The following KIF13A variants were observed in gnomAD, a reference collection of about 807,000 sequenced individuals.
KIF13A encodes kinesin-like protein KIF13A.
KIF13A carries 79 observed loss-of-function variants against 212.2 expected under a neutral mutation model. That is an observed-to-expected ratio of 0.37 (90% CI 0.31 to 0.45). The LOEUF (loss-of-function observed/expected upper bound fraction) is 0.45, where lower values mean the gene tolerates loss of function less well. KIF13A is among the 20% of genes least tolerant of loss of function. The pLI, the probability that KIF13A is intolerant of heterozygous loss-of-function variation, is 1.00. For synonymous variants in KIF13A, 789 were observed against 808.6 expected, an observed-to-expected ratio of 0.98 and a Z score of 0.41; for missense variants, 1,901 against 2,209.0, an observed-to-expected ratio of 0.86 and a Z score of 2.79.
At chr6:17,770,838 T>C in intron 38 of KIF13A, 1 of 736,234 alleles carries the variant, frequency 1.4e-6, no homozygotes. Flanking sequence ...TAAAAAGATC[T>C]CTTTGTTACA....
rs544451231 is a variant in KIF13A, at chr6:17,812,792, C to T, written c.2001-3862G>A. Among the ~76,000 whole-genome samples the T allele has an allele frequency of 3.9e-5, 6 of 152,328 alleles. No individual in the cohort carries two copies. The South Asian group carries it at 1.2e-3, about 32-fold the overall frequency. ...ATGATTGAATTAATTTACACTCTCA[C>T]CAACAGTGTATAAGGGTTCCCTTTT... On this transcript the variant is annotated intron_variant, in intron 17 of 38. Transcript: ENST00000259711.
In KIF13A at chr6:17,785,571, C is replaced by T; in HGVS notation, c.3432G>A (p.Arg1144=). 1 of 1,603,840 alleles carries T rather than the reference C, an allele frequency of 6.2e-7. No homozygotes were observed. Among genetic ancestry groups the T allele is most frequent in the Non-Finnish European group, 8.5e-7 (1 of 1,175,636 alleles). The stretch of plus-strand genomic sequence containing the variant: ...CTGGGGCTGGCACCAGCACAGCATT[C>T]CTTTCCTCAGTCAGCCCTACCCACT... The part of the protein sequence containing the change: ...VEQWVGLTEE[R]NAVLVPAPGS... Residue 1144 remains arginine (R), a synonymous_variant, in exon 28 of 39, where the codon AGG becomes AGA. Coordinates refer to ENST00000259711, the MANE Select transcript of KIF13A (RefSeq NM_022113.6). The surrounding 1 kb of genome is among the most constrained non-coding windows in gnomAD (Gnocchi z 5.8).
At position 17,850,421 on chromosome 6, in the gene KIF13A, G is replaced by C; in HGVS notation, c.619C>G (p.Arg207Gly). The C allele has an allele frequency of 6.2e-7, 1 of 1,613,688 alleles. No homozygotes were observed. The highest frequency in any genetic ancestry group is 8.5e-7 in the Non-Finnish European group (1 of 1,179,770). Residue 207 changes from arginine to glycine, a missense_variant, in exon 8 of 39, where the codon CGA becomes GGA. By Grantham distance (125) the Arg-to-Gly change is moderately radical. This residue lies in a region of KIF13A where 506 missense variants were observed against 637.4 expected (regional missense o/e 0.79). Coordinates refer to ENST00000259711, the MANE Select transcript of KIF13A (RefSeq NM_022113.6). This position sits in a 1 kb window ranked among gnomAD's most constrained non-coding sequence, Gnocchi z 6.2. ...ESLMSEGNKS[R>G]TVAATNMNEE... ...TTCATGTTGGTAGCAGCTACCGTTC[G>C]AGACTTATTTCCCTCAGACATCAAT...
chr6:17,831,892 G>C, intron 12 of KIF13A, among the ~76,000 whole-genome samples: 1 of 150,398 alleles, frequency 6.6e-6, no homozygotes, highest in Non-Finnish European at 1.5e-5. Flanking sequence ...TCTCGGGCTG[G>C]GAATACAGCA....
rs1412912348 is a variant in KIF13A, at chr6:17,816,378, T to C, written c.2000+642A>G. 6.6e-6 allele frequency among the ~76,000 whole-genome samples: 1 copy of C among 151,392 alleles called. No individual in the cohort carries two copies. The highest frequency in any genetic ancestry group is 2.5e-5 in the African/African-American group (1 of 40,748). ...GCTACCATGCCTGGCTAATTTTTTA[T>C]TTTTTGTAGAGACAAGGTCTCGTTA... is the stretch of plus-strand genomic sequence containing the variant. On this transcript the variant is annotated intron_variant, in intron 17 of 38. Coordinates refer to ENST00000259711, the MANE Select transcript of KIF13A (RefSeq NM_022113.6). The surrounding 1 kb of genome is among the most constrained non-coding windows in gnomAD (Gnocchi z 4.3).
At chr6:17,876,623 GCATTCATT>G (rs56349524) in intron 3 of KIF13A, among the ~76,000 whole-genome samples, 28,745 of 150,652 alleles carry the variant, frequency 0.19, 2,905 homozygotes, top group South Asian at 0.32. Context: ...GTGTGAGACA[GCATTCATT>G]CATTCATTCA....
At chr6:17,985,761 A>G (rs1163217286) in intron 2 of KIF13A, among the ~76,000 whole-genome samples, 1 of 152,126 alleles carries the variant, frequency 6.6e-6, no homozygotes, top group East Asian at 1.9e-4. Flanking sequence ...ACTGCTATAA[A>G]TGCATCTAAA....
At chr6:17,932,030 T>C (rs1776028898) in intron 2 of KIF13A, among the ~76,000 whole-genome samples, 1 of 152,146 alleles carries the variant, frequency 6.6e-6, no homozygotes, top group South Asian at 2.1e-4. Flanking sequence ...AGCAAATGCT[T>C]GAGCCCCACT....
At chr6:17,981,632 C>T (rs1781100325) in intron 2 of KIF13A, among the ~76,000 whole-genome samples, 1 of 151,852 alleles carries the variant, frequency 6.6e-6, no homozygotes, top group Admixed American at 6.6e-5. Context: ...CAATGTTGGC[C>T]AGGATGATAT....
intron 16 of KIF13A, chr6:17,821,668 A>G: frequency 8.4e-7 from 1 of 1,189,182 alleles, no homozygotes; most frequent in Non-Finnish European, 1.1e-6. Context: ...AGAAAACTCC[A>G]GCTTCTTCCC....
intron 4 of KIF13A, 66 bp downstream of exon 4, chr6:17,873,311 G>T: frequency 9.2e-7 from 1 of 1,091,068 alleles, no homozygotes; most frequent in Admixed American, 2.4e-5. Context: ...AGGAATTAAA[G>T]AAAATAAACT....
In KIF13A at chr6:17,763,909, T is replaced by A; in HGVS notation, c.*201A>T. ...ATTCAACACCAACCCATGTGCCAGG[T>A]AAAAAAATCCACTGGTCTTATAATT... On this transcript the variant is annotated 3_prime_UTR_variant, in exon 39 of 39. Transcript: ENST00000259711. 7.0e-7 allele frequency: 1 copy of A among 1,420,572 alleles called. No homozygotes were observed. Among genetic ancestry groups the A allele is most frequent in the East Asian group, 2.6e-5 (1 of 39,046 alleles). 88.0% of individuals were successfully genotyped at this position (1,420,572 alleles called of 1,614,324 possible).
intron 20 of KIF13A, among the ~76,000 whole-genome samples, chr6:17,802,570 G>A (rs562472982): frequency 1.3e-4 from 19 of 151,982 alleles, no homozygotes; most frequent in African/African-American, 3.9e-4. Flanking sequence ...GATTACAGGC[G>A]TGAGCCACCA....
chr6:17,956,571 G>A (rs1462710605), intron 2 of KIF13A, among the ~76,000 whole-genome samples: 4 of 152,210 alleles, frequency 2.6e-5, no homozygotes, highest in South Asian at 2.1e-4. Context: ...TATGGTGATA[G>A]ACATATATTG....
intron 4 of KIF13A, among the ~76,000 whole-genome samples, chr6:17,868,989 C>CAA (rs71002278): frequency 7.0e-3 from 146 of 20,938 alleles, no homozygotes; most frequent in Admixed American, 0.01. Flanking sequence ...GACTCCCTCT[C>CAA]AAAAAAAAAA....
intron 30 of KIF13A, 27 bp from the exon 31 acceptor site, chr6:17,780,933 T>C (rs1336151855): frequency 1.9e-6 from 3 of 1,600,966 alleles, no homozygotes; most frequent in Non-Finnish European, 2.6e-6. Flanking sequence ...GATGAGGAGA[T>C]GGAAACAAGA....
intron 3 of KIF13A, among the ~76,000 whole-genome samples, chr6:17,887,860 A>ATT (rs34369336): frequency 7.4e-4 from 102 of 137,020 alleles, no homozygotes; most frequent in African/African-American, 2.4e-3. Flanking sequence ...TGTCCAGCTA[A>ATT]TTTTTTTTTT....
At chr6:17,964,767 T>G (rs1418632134) in intron 2 of KIF13A, among the ~76,000 whole-genome samples, 1 of 152,120 alleles carries the variant, frequency 6.6e-6, no homozygotes, top group Non-Finnish European at 1.5e-5. Context: ...TTGTTTTGAT[T>G]TTATCCCAGA....
chr6:17,785,415 G>T lies in KIF13A; in HGVS notation c.3488+100C>A. On this transcript the variant is annotated intron_variant, in intron 28 of 38. Transcript: ENST00000259711. The surrounding 1 kb of genome is among the most constrained non-coding windows in gnomAD (Gnocchi z 5.8). ...ATTCCCTAAGTAGTTCAGCTGGTTG[G>T]CATTTTCTGTGACAATCCTGGAAAG... The T allele has an allele frequency of 7.6e-7, 1 of 1,315,338 alleles. No homozygotes were observed. The highest frequency in any genetic ancestry group is 1.0e-6 in the Non-Finnish European group (1 of 991,538). The allele number at this position is 1,315,338 out of a possible 1,614,324, so 81.5% of individuals were successfully genotyped here.
Sources: allele counts gnomAD v4.1 joint callset (sites outside exome capture counted in the v4.1 genomes callset), GRCh38; gene constraint gnomAD v4.1.1; regional missense constraint gnomAD v4.1.1; non-coding constraint Gnocchi (gnomAD v3.1); transcripts MANE v1.5; gene names NCBI Gene and HGNC (gene_info 2026-07-23, HGNC 2026-07-21).